CFAP61: variants seen among roughly 807,000 people sequenced by gnomAD.
The protein encoded by CFAP61 is cilia and flagella associated protein 61, also known as cilia- and flagella-associated protein 61.
A neutral mutation model predicts 135.6 loss-of-function variants in CFAP61; 107 were observed. That is an observed-to-expected ratio of 0.79 (90% CI 0.67 to 0.93). The LOEUF is 0.93. Among genes scored for constraint, CFAP61 ranks in the 40% least tolerant of loss-of-function variants. The pLI is 0.00. For synonymous variants in CFAP61, 575 were observed against 578.5 expected (o/e 0.99, Z 0.09); for missense variants, 1,507 against 1,556.2 (o/e 0.97, Z 0.53).
intron 17 of CFAP61, among the ~76,000 whole-genome samples, chr20:20,227,368 C>T (rs949804468): frequency 2.6e-5 from 4 of 152,214 alleles, no homozygotes; most frequent in African/African-American, 9.7e-5. Flanking sequence ...GAGAAGTCAG[C>T]TGTAATCTTT....
intron 8 of CFAP61, among the ~76,000 whole-genome samples, chr20:20,133,853 C>G (rs2050723867): frequency 6.6e-6 from 1 of 152,212 alleles, no homozygotes; most frequent in Non-Finnish European, 1.5e-5. Flanking sequence ...GGAGTCTACA[C>G]CACATCCCAG....
intron 7 of CFAP61, 76 bp downstream of exon 7, chr20:20,091,052 T>G (rs1339341982): frequency 6.5e-7 from 1 of 1,528,934 alleles, no homozygotes; most frequent in Admixed American, 1.7e-5. Context: ...CTTGCGTTGC[T>G]GGGCACCCCT....
intron 24 of CFAP61, among the ~76,000 whole-genome samples, chr20:20,295,730 T>G (rs1284093857): frequency 1.3e-5 from 2 of 152,070 alleles, no homozygotes; most frequent in Admixed American, 1.3e-4. Context: ...GGGGTTATTC[T>G]GTGAGGTCAT....
chr20:20,145,778 GAT>G lies in CFAP61; in HGVS notation c.951+2832_951+2833del, dbSNP rs2062122064. The stretch of plus-strand genomic sequence containing the variant: ...TTCCAGAACACAGAATACTATAAGA[GAT>G]AACAAAGGCCAAGAGAATGTAACAA... On this transcript the variant is annotated intron_variant, in intron 9 of 26. Coordinates refer to ENST00000245957, the MANE Select transcript of CFAP61 (RefSeq NM_015585.4). 2.6e-5 allele frequency among the ~76,000 whole-genome samples: 4 copies of G among 152,136 alleles called. No individual in the cohort carries two copies. The South Asian group carries it at 8.3e-4, about 32-fold the overall frequency.
chr20:20,178,602 G>A (rs2054809006), intron 13 of CFAP61, among the ~76,000 whole-genome samples: 3 of 152,124 alleles, frequency 2.0e-5, no homozygotes, highest in Admixed American at 1.3e-4. Flanking sequence ...AATATTTACT[G>A]CTGAGTTAGA....
intron 7 of CFAP61, among the ~76,000 whole-genome samples, chr20:20,094,169 T>C (rs543733734): frequency 1.4e-4 from 21 of 152,382 alleles, no homozygotes; most frequent in African/African-American, 5.0e-4. Flanking sequence ...AAAGGATTTT[T>C]ATTTATTTTT....
chr20:20,119,294 T>C (rs1476464806), intron 8 of CFAP61, among the ~76,000 whole-genome samples: 3 of 152,164 alleles, frequency 2.0e-5, no homozygotes, highest in Admixed American at 1.3e-4. Flanking sequence ...GATTTTGTTA[T>C]TCATTATTGG....
intron 2 of CFAP61, among the ~76,000 whole-genome samples, chr20:20,070,633 T>C (rs748569404): frequency 5.9e-5 from 9 of 152,168 alleles, no homozygotes; most frequent in Non-Finnish European, 8.8e-5. Context: ...GTAATACCTT[T>C]CTAATGAAAT....
chr20:20,137,790 T>C (rs1310149364), intron 8 of CFAP61, among the ~76,000 whole-genome samples: 1 of 152,176 alleles, frequency 6.6e-6, no homozygotes, highest in African/African-American at 2.4e-5. Flanking sequence ...TCCCCTTTAC[T>C]CTTTCCTCTG....
In CFAP61 at chr20:20,164,170, G is replaced by C; in HGVS notation, c.1147G>C (p.Gly383Arg). 6.2e-7 allele frequency: 1 copy of C among 1,614,058 alleles called. No homozygotes were observed. Reference sequence around the variant, plus strand: ...CGTCCACTTCCGCCCCATCTACAGGGGAGCCTCAGCTGCTTTTTGTATTCA... The same window carrying C: ...CGTCCACTTCCGCCCCATCTACAGGCGAGCCTCAGCTGCTTTTTGTATTCA... ...EPVHFRPIYR[G>R]ASAAFCIQLF... Residue 383 changes from glycine (G) to arginine (R), a missense_variant, in exon 11 of 27, where the codon GGA becomes CGA. Gly to Arg is a moderately radical substitution (Grantham distance 125). Transcript: ENST00000245957.
At chr20:20,304,458 A>G (rs1464257662) in intron 25 of CFAP61, among the ~76,000 whole-genome samples, 4 of 151,740 alleles carry the variant, frequency 2.6e-5, no homozygotes, top group Admixed American at 6.6e-5. Context: ...CCTTTCCCCA[A>G]TCTTCCCCTT....
chr20:20,266,059 A>C (rs2052712544), intron 21 of CFAP61, among the ~76,000 whole-genome samples: 1 of 152,198 alleles, frequency 6.6e-6, no homozygotes, highest in African/African-American at 2.4e-5. Context: ...AAATGCAGCA[A>C]AGAGTAGGAT....
chr20:20,190,193 G>C (rs7268833), intron 14 of CFAP61, among the ~76,000 whole-genome samples: 5 of 152,244 alleles, frequency 3.3e-5, no homozygotes, highest in African/African-American at 1.2e-4. Flanking sequence ...GTTCATAGCA[G>C]CTATTGTCAG....
intron 21 of CFAP61, chr20:20,265,840 T>C (rs1429638974): frequency 9.2e-6 from 2 of 217,254 alleles, no homozygotes; most frequent in Non-Finnish European, 1.8e-5. Flanking sequence ...AAAAACTTTC[T>C]CCTCTTTGTA....
intron 26 of CFAP61, among the ~76,000 whole-genome samples, chr20:20,358,998 C>A (rs573153714): frequency 2.4e-4 from 36 of 152,202 alleles, no homozygotes; most frequent in African/African-American, 8.2e-4. Flanking sequence ...CTAGAAGTAC[C>A]CTGCTCTGGA....
intron 25 of CFAP61, among the ~76,000 whole-genome samples, chr20:20,323,876 T>C (rs752985625): frequency 1.6e-4 from 24 of 152,228 alleles, no homozygotes; most frequent in Non-Finnish European, 2.9e-4. Flanking sequence ...ATTTGCAGCT[T>C]GCTATTTTAG....
At chr20:20,085,439 C>T in intron 6 of CFAP61, 1 of 1,365,006 alleles carries the variant, frequency 7.3e-7, no homozygotes, top group Non-Finnish European at 9.8e-7. Flanking sequence ...AGAACAAGTT[C>T]CTCTTTATCC....
intron 17 of CFAP61, among the ~76,000 whole-genome samples, chr20:20,212,960 C>T (rs6046728): frequency 0.07 from 10,519 of 150,752 alleles, 394 homozygotes; most frequent in Middle Eastern, 0.14. Flanking sequence ...CAGGAGGCAC[C>T]GTGTCCGGTG....
chr20:20,294,033 A>G (rs903997275), intron 24 of CFAP61, among the ~76,000 whole-genome samples: 1 of 152,260 alleles, frequency 6.6e-6, no homozygotes. Context: ...GAAAAACCAC[A>G]TCAGAATCAG....
Sources: gnomAD v4.1 joint callset for allele counts (sites outside exome capture counted in the v4.1 genomes callset) on GRCh38, gnomAD v4.1.1 for gene constraint, MANE v1.5 for transcripts, NCBI Gene and HGNC (gene_info 2026-07-23, HGNC 2026-07-21) for gene names.